The following CPNE9 variants were observed in gnomAD, a reference collection of about 807,000 sequenced individuals.
The protein encoded by CPNE9 is copine-9.
CPNE9 carries 59 observed loss-of-function variants against 83.0 expected under a neutral mutation model. That is an observed-to-expected ratio of 0.71 (90% confidence interval 0.58 to 0.88). The LOEUF is 0.88. Ranked by LOEUF, CPNE9 falls within the 40% of genes least tolerant of loss-of-function variation. The pLI is 0.00. For synonymous variants in CPNE9, 256 were observed against 273.4 expected (o/e 0.94, Z 0.63); for missense variants, 619 against 720.8 (o/e 0.86, Z 1.62).
At chr3:9,708,193 C>T (rs2125460950) in intron 7 of CPNE9, among the ~76,000 whole-genome samples, 1 of 152,320 alleles carries the variant, frequency 6.6e-6, no homozygotes, top group South Asian at 2.1e-4. Flanking sequence ...ATCAAGTAGT[C>T]CTCCTGCCTT....
At chr3:9,728,725 TG>T (rs1003972373) in intron 20 of CPNE9, among the ~76,000 whole-genome samples, 5 of 152,198 alleles carry the variant, frequency 3.3e-5, no homozygotes, top group African/African-American at 7.2e-5. Context: ...GATTTTCTTT[TG>T]TTTTTTTTCT....
In CPNE9 at chr3:9,703,986, C is replaced by A; in HGVS notation, c.-11C>A. On this transcript the variant is annotated 5_prime_UTR_variant, in exon 1 of 21. Coordinates refer to ENST00000383832, the MANE Select transcript of CPNE9 (RefSeq NM_153635.3). ...TCGCAGCCTCCTGCGGCTCTGGTCG[C>A]CCGACCAGCCATGTCTCTCGGCGGA... The A allele has an allele frequency of 2.5e-6, 4 of 1,598,692 alleles. No homozygotes were observed. Among genetic ancestry groups the A allele is most frequent in the Non-Finnish European group, 3.4e-6 (4 of 1,175,688 alleles).
rs1005482480 is a variant in CPNE9, at chr3:9,715,606, G to A, written c.822+80G>A. The A allele has an allele frequency of 6.6e-6, 8 of 1,220,560 alleles. No individual in the cohort carries two copies. In the Admixed American group the frequency reaches 6.8e-5, roughly 10 times the overall value. 75.6% of individuals were successfully genotyped at this position (1,220,560 alleles called of 1,614,324 possible). A position where few individuals can be genotyped will look rare whatever the true frequency, so the allele number is the denominator to read the frequency against. On this transcript the variant is annotated intron_variant, in intron 13 of 20. Transcript: ENST00000383832. ...TTGACACAGCATGGCAAATATCGAG[G>A]GCAGGGCAAGACAGTGGGCACAGAT...
chr3:9,725,902 T>G (rs760275987), intron 17 of CPNE9, 47 bp from the exon 18 acceptor site: 4 of 1,436,472 alleles, frequency 2.8e-6, no homozygotes, highest in Non-Finnish European at 2.9e-6. Flanking sequence ...GGTGTTCCCT[T>G]GGCCTGTCTG....
chr3:9,708,578 A>T lies in CPNE9; in HGVS notation c.377+2515A>T, dbSNP rs139344714. ...AAGATGAAAATCCCTGTTGACTCTTAAGCACAGTTTTGAAGGAGAGGTGGA... is the reference window on the plus strand; with the variant it reads ...AAGATGAAAATCCCTGTTGACTCTTTAGCACAGTTTTGAAGGAGAGGTGGA... On this transcript the variant is annotated intron_variant, in intron 7 of 20. Coordinates refer to ENST00000383832, the MANE Select transcript of CPNE9 (RefSeq NM_153635.3). 2.0e-5 allele frequency among the ~76,000 whole-genome samples: 3 copies of T among 152,354 alleles called. No individual in the cohort carries two copies. In the East Asian group the frequency reaches 5.8e-4, roughly 29 times the overall value.
chr3:9,728,852 A>C (rs2076805897), intron 20 of CPNE9, among the ~76,000 whole-genome samples: 1 of 149,918 alleles, frequency 6.7e-6, no homozygotes, highest in South Asian at 2.1e-4. Flanking sequence ...TTCTTGCCCC[A>C]GCTCCATCTC....
intron 7 of CPNE9, among the ~76,000 whole-genome samples, chr3:9,709,418 C>A (rs2076601121): frequency 7.0e-6 from 1 of 142,956 alleles, no homozygotes; most frequent in African/African-American, 2.6e-5. Flanking sequence ...GGCTGGAGTG[C>A]AGTGGTGTGG....
chr3:9,704,601 T>C lies in CPNE9; in HGVS notation c.83T>C (p.Leu28Pro). ...ITVSCRNLLD[L>P]DTFSKSDPMV... ...CTTTTCTCTAGGAACCTGCTAGACC[T>C]TGATACCTTCTCCAAGTCCGACCCC... Residue 28 changes from leucine (L) to proline (P), a missense_variant, in exon 2 of 21, where the codon CTT (leucine) becomes CCT (proline). Coordinates refer to ENST00000383832, the MANE Select transcript of CPNE9 (RefSeq NM_153635.3). This position sits in a 1 kb window ranked among gnomAD's most constrained non-coding sequence, Gnocchi z 7.1. 6.2e-7 allele frequency: 1 copy of C among 1,614,026 alleles called. No individual in the cohort carries two copies. The highest frequency in any genetic ancestry group is 8.5e-7 in the Non-Finnish European group (1 of 1,179,876).
At chr3:9,722,314 T>G (rs374416751) in intron 17 of CPNE9, among the ~76,000 whole-genome samples, 1 of 152,196 alleles carries the variant, frequency 6.6e-6, no homozygotes, top group Non-Finnish European at 1.5e-5. Context: ...ATCTGTGATT[T>G]TGATGATCAC....
intron 12 of CPNE9, 43 bp downstream of exon 12, chr3:9,715,407 C>G (rs761432794): frequency 7.0e-5 from 113 of 1,612,052 alleles, no homozygotes; most frequent in Non-Finnish European, 8.2e-5. Context: ...GCCCTCCATC[C>G]CAGTGTGCTC....
At position 9,712,589 on chromosome 3, in the gene CPNE9, G is replaced by A; in HGVS notation, c.426G>A (p.Glu142=). 6.2e-7 allele frequency: 1 copy of A among 1,614,146 alleles called. No individual in the cohort carries two copies. Among genetic ancestry groups the A allele is most frequent in the African/African-American group, 1.3e-5 (1 of 75,036 alleles). ...KCGTILLTAE[E]LSNCRDIATM... is the part of the protein sequence containing the mutation. ...GGACCATATTGCTGACTGCAGAAGAGCTTAGCAATTGTCGGGTCAGTAAGG... is the reference window on the plus strand; with the variant it reads ...GGACCATATTGCTGACTGCAGAAGAACTTAGCAATTGTCGGGTCAGTAAGG... Residue 142 remains glutamate (E), a synonymous_variant, in exon 8 of 21, where the codon GAG becomes GAA. Transcript: ENST00000383832.
In CPNE9 at chr3:9,710,526, A is replaced by G. The variant is rs1222229847; in HGVS notation, c.378-2015A>G. 2.6e-5 allele frequency among the ~76,000 whole-genome samples: 4 copies of G among 152,198 alleles called. No individual in the cohort carries two copies. The East Asian group carries it at 7.7e-4, about 29-fold the overall frequency. The stretch of plus-strand genomic sequence containing the variant: ...AGGAGTGAAACTGCCATCTACCAGA[A>G]CTGGAGAGTGAAGGGCCTTGGGATG... On this transcript the variant is annotated intron_variant, in intron 7 of 20. Transcript: ENST00000383832.
intron 7 of CPNE9, among the ~76,000 whole-genome samples, chr3:9,709,969 G>A (rs546656442): frequency 1.5e-4 from 19 of 130,126 alleles, no homozygotes; most frequent in South Asian, 9.6e-4. Flanking sequence ...CAGCCTGGGC[G>A]ACAAAGCAAG....
rs2076702810 is a variant in CPNE9 at position 9,718,220 on chromosome 3, T to C, written c.1113+10T>C. 6.3e-7 allele frequency: 1 copy of C among 1,597,940 alleles called. No individual in the cohort carries two copies. The highest frequency in any genetic ancestry group is 1.3e-5 in the African/African-American group (1 of 74,470). On this transcript the variant is annotated intron_variant, in intron 16 of 20. Coordinates refer to ENST00000383832, the MANE Select transcript of CPNE9 (RefSeq NM_153635.3). ...CCACCAGTTCCCCCTGGTATGGTAT[T>C]GGCCAGAGCTTACCCTCCGTGCCCT...
chr3:9,722,539 C>T lies in CPNE9; in HGVS notation c.1242-3410C>T, dbSNP rs1321920047. Reference sequence around the variant, plus strand: ...CTTTTTTTTTTTTAAGAGACAGGTTCTCACTGTGTCACTCAGGCTGGAGTG... The same window carrying T: ...CTTTTTTTTTTTTAAGAGACAGGTTTTCACTGTGTCACTCAGGCTGGAGTG... On this transcript the variant is annotated intron_variant, in intron 17 of 20. Transcript: ENST00000383832. Among the ~76,000 whole-genome samples the T allele has an allele frequency of 3.3e-5, 5 of 151,826 alleles. No individual in the cohort carries two copies. The East Asian group carries it at 9.7e-4, about 29-fold the overall frequency.
rs758288227 is a variant in CPNE9 at position 9,725,912 on chromosome 3, G to A, written c.1242-37G>A. ...GGTAAGGTGTTCCCTTGGCCTGTCT[G>A]GCTTTCAGCTGGATTCTCATTTGGC... On this transcript the variant is annotated intron_variant, in intron 17 of 20. Coordinates refer to ENST00000383832, the MANE Select transcript of CPNE9 (RefSeq NM_153635.3). 9.9e-6 allele frequency: 15 copies of A among 1,520,502 alleles called. No homozygotes were observed. In the East Asian group the frequency reaches 2.3e-4, roughly 23 times the overall value. The allele number at this position is 1,520,502 out of a possible 1,614,324, so 94.2% of individuals were successfully genotyped here.
chr3:9,716,656 G>A (rs1244111065), intron 14 of CPNE9, among the ~76,000 whole-genome samples: 1 of 152,140 alleles, frequency 6.6e-6, no homozygotes, highest in Non-Finnish European at 1.5e-5. Flanking sequence ...ATTTTTAGTA[G>A]AGATGCGGTT....
At chr3:9,715,871 C>A in intron 13 of CPNE9, 103 bp from the exon 14 acceptor site, 3 of 937,912 alleles carry the variant, frequency 3.2e-6, no homozygotes, top group Non-Finnish European at 3.4e-6. Context: ...GAATCATGTG[C>A]CTCCCATCAC....
intron 17 of CPNE9, among the ~76,000 whole-genome samples, chr3:9,719,775 T>G (rs1408790477): frequency 6.6e-6 from 1 of 151,924 alleles, no homozygotes; most frequent in Non-Finnish European, 1.5e-5. Flanking sequence ...GGGTGAATCA[T>G]GAGGTCAGGA....
Sources: allele counts gnomAD v4.1 joint callset (sites outside exome capture counted in the v4.1 genomes callset), GRCh38; gene constraint gnomAD v4.1.1; non-coding constraint Gnocchi (gnomAD v3.1); transcripts MANE v1.5; gene names NCBI Gene and HGNC (gene_info 2026-07-23, HGNC 2026-07-21).